Variants in C11orf97 observed in about 807,000 individuals in gnomAD.
C11orf97 encodes chromosome 11 open reading frame 97.
C11orf97 carries 15 observed loss-of-function variants against 16.2 expected under a neutral mutation model. That is an observed-to-expected ratio of 0.93 (90% CI 0.62 to 1.43). C11orf97 has a LOEUF of 1.43. C11orf97 is among the 40% of genes most tolerant of loss of function. C11orf97 has a pLI of 0.00. For missense variants in C11orf97, 171 were observed against 161.2 expected (o/e 1.06, Z -0.33); for synonymous variants, 61 against 65.7 (o/e 0.93, Z 0.34).
In C11orf97 at chr11:94,512,652, C is replaced by G. The variant is rs550968419; in HGVS notation, c.124C>G (p.Pro42Ala). ...CGARGEPGRG[P>A]LEHGQQWKKF... Reference sequence around the variant, plus strand: ...GGCGCGCGGGGAACCCGGCCGCGGCCCCCTAGAGCACGGCCAGCAGTGTGA... The same window carrying G: ...GGCGCGCGGGGAACCCGGCCGCGGCGCCCTAGAGCACGGCCAGCAGTGTGA... Residue 42 changes from proline to alanine, a missense_variant, in exon 1 of 4, where the codon CCC (proline) becomes GCC (alanine). By Grantham distance (27) the Pro-to-Ala change is conservative. Transcript: ENST00000542198. The G allele has an allele frequency of 3.2e-6, 4 of 1,247,250 alleles. No individual in the cohort carries two copies. The African/African-American group carries it at 4.7e-5, about 15-fold the overall frequency. The allele number at this position is 1,247,250 out of a possible 1,614,324, so 77.3% of individuals were successfully genotyped here. A position where few individuals can be genotyped will look rare whatever the true frequency, so the allele number is the denominator to read the frequency against.
At chr11:94,523,036 C>CA (rs1481304689) in intron 2 of C11orf97, among the ~76,000 whole-genome samples, 1 of 152,138 alleles carries the variant, frequency 6.6e-6, no homozygotes, top group Non-Finnish European at 1.5e-5. Context: ...GGAAACATCA[C>CA]AAGCTATGTA....
chr11:94,513,646 A>AACT (rs923073821), intron 1 of C11orf97, among the ~76,000 whole-genome samples: 11 of 152,158 alleles, frequency 7.2e-5, no homozygotes, highest in African/African-American at 2.7e-4. Context: ...GAAGTTACAG[A>AACT]ACTACTGCCT....
intron 2 of C11orf97, among the ~76,000 whole-genome samples, chr11:94,518,782 C>T (rs16920609): frequency 0.011 from 1,646 of 152,238 alleles, 37 homozygotes; most frequent in African/African-American, 0.038. Context: ...TACATAGACT[C>T]CTTCATTTGT....
intron 2 of C11orf97, among the ~76,000 whole-genome samples, chr11:94,519,742 A>G (rs754257169): frequency 2.0e-5 from 3 of 152,240 alleles, no homozygotes; most frequent in African/African-American, 4.8e-5. Context: ...TAGATTCTAT[A>G]AATTTGGGTT....
At chr11:94,528,814 G>C (rs899403037) in intron 3 of C11orf97, among the ~76,000 whole-genome samples, 4 of 152,202 alleles carry the variant, frequency 2.6e-5, no homozygotes, top group Non-Finnish European at 4.4e-5. Context: ...ACAGTGTCCA[G>C]ATAATCTAGG....
intron 1 of C11orf97, among the ~76,000 whole-genome samples, chr11:94,515,103 A>C (rs2135176967): frequency 6.6e-6 from 1 of 152,244 alleles, no homozygotes; most frequent in East Asian, 1.9e-4. Flanking sequence ...ATAAACTATG[A>C]ATAATTTGTA....
Position 94,518,092 on chromosome 11 carries a change from A to G in C11orf97, c.250+405A>G, listed in dbSNP as rs1054188099. On this transcript the variant is annotated intron_variant, in intron 2 of 3. Coordinates refer to ENST00000542198, the MANE Select transcript of C11orf97 (RefSeq NM_001190462.2). ...TGAACCGGGAGGCAGAGCTTGCAGTAAGCCAAGATCGCGCCACTGTACCCC... is the reference window on the plus strand; with the variant it reads ...TGAACCGGGAGGCAGAGCTTGCAGTGAGCCAAGATCGCGCCACTGTACCCC... Among the ~76,000 whole-genome samples the G allele has an allele frequency of 2.7e-5, 4 of 149,842 alleles. 1 individual carries two copies. In the South Asian group the frequency reaches 6.3e-4, roughly 24 times the overall value.
intron 1 of C11orf97, 42 bp from the exon 2 acceptor site, chr11:94,517,541 A>C (rs1947620936): frequency 8.5e-7 from 1 of 1,180,096 alleles, no homozygotes; most frequent in Non-Finnish European, 1.2e-6. Context: ...AAGATTGGGC[A>C]GTATTTATAC....
intron 2 of C11orf97, among the ~76,000 whole-genome samples, chr11:94,526,314 T>G (rs1275802637): frequency 6.6e-6 from 1 of 152,220 alleles, no homozygotes; most frequent in African/African-American, 2.4e-5. Flanking sequence ...TTTTTTTTCC[T>G]GCAACCATTA....
intron 2 of C11orf97, among the ~76,000 whole-genome samples, chr11:94,526,609 T>C (rs778834922): frequency 2.6e-5 from 4 of 152,338 alleles, no homozygotes; most frequent in South Asian, 2.1e-4. Context: ...CAGGGTATCA[T>C]GCACTGGGGG....
intron 2 of C11orf97, among the ~76,000 whole-genome samples, chr11:94,521,838 ATG>A (rs1359037473): frequency 1.3e-5 from 2 of 152,164 alleles, no homozygotes; most frequent in African/African-American, 4.8e-5. Context: ...TCTACTCACT[ATG>A]GTGTCTCTGG....
chr11:94,521,997 C>T (rs1373214060), intron 2 of C11orf97, among the ~76,000 whole-genome samples: 1 of 152,202 alleles, frequency 6.6e-6, no homozygotes, highest in Admixed American at 6.5e-5. Flanking sequence ...GGTTCTCGCT[C>T]TACTTCTTTC....
chr11:94,521,558 A>C lies in C11orf97; in HGVS notation c.250+3871A>C, dbSNP rs116790638. Among the ~76,000 whole-genome samples the C allele has an allele frequency of 9.7e-4, 148 of 152,260 alleles. 1 individual carries two copies. Among genetic ancestry groups the C allele is most frequent in the African/African-American group, 3.5e-3 (144 of 41,544 alleles). Reference sequence around the variant, plus strand: ...TTCAACTTATGATAGGTTTTTCAGGATGTAACTCCGTCGTAAGTCGAGGAG... The same window carrying C: ...TTCAACTTATGATAGGTTTTTCAGGCTGTAACTCCGTCGTAAGTCGAGGAG... On this transcript the variant is annotated intron_variant, in intron 2 of 3. Coordinates refer to ENST00000542198, the MANE Select transcript of C11orf97 (RefSeq NM_001190462.2).
intron 1 of C11orf97, among the ~76,000 whole-genome samples, chr11:94,515,322 A>T (rs972544669): frequency 3.3e-5 from 5 of 152,168 alleles, no homozygotes; most frequent in African/African-American, 1.2e-4. Context: ...AACAAAAAAA[A>T]ATCCAAAAAA....
At chr11:94,526,176 T>A (rs927005854) in intron 2 of C11orf97, among the ~76,000 whole-genome samples, 3 of 152,156 alleles carry the variant, frequency 2.0e-5, no homozygotes, top group African/African-American at 7.2e-5. Context: ...GGAGTAAAGT[T>A]TCTCTTAAAA....
intron 2 of C11orf97, among the ~76,000 whole-genome samples, chr11:94,523,590 A>T (rs1947676590): frequency 6.6e-6 from 1 of 152,234 alleles, no homozygotes; most frequent in Non-Finnish European, 1.5e-5. Context: ...AGTGACAATT[A>T]TGGAAGTACC....
intron 2 of C11orf97, among the ~76,000 whole-genome samples, chr11:94,526,118 C>T (rs370805377): frequency 2.6e-5 from 4 of 152,120 alleles, no homozygotes; most frequent in African/African-American, 9.7e-5. Context: ...GCTCCGTGCC[C>T]GCTTTGTCTG....
At chr11:94,530,491 T>C (rs898378188) in intron 3 of C11orf97, among the ~76,000 whole-genome samples, 3 of 152,188 alleles carry the variant, frequency 2.0e-5, no homozygotes, top group Middle Eastern at 3.2e-3. Context: ...ACAAAATCCA[T>C]AGATAATTTT....
At chr11:94,525,652 C>G (rs1253984563) in intron 2 of C11orf97, among the ~76,000 whole-genome samples, 3 of 152,090 alleles carry the variant, frequency 2.0e-5, no homozygotes, top group Non-Finnish European at 4.4e-5. Flanking sequence ...ATTATAGAGC[C>G]TAGGAGTCAC....
Sources: allele counts gnomAD v4.1 joint callset (sites outside exome capture counted in the v4.1 genomes callset), GRCh38; gene constraint gnomAD v4.1.1; transcripts MANE v1.5; gene names NCBI Gene and HGNC (gene_info 2026-07-23, HGNC 2026-07-21).